The following TRMT11 variants were observed in gnomAD, a reference collection of about 807,000 sequenced individuals.
TRMT11 encodes the protein tRNA (guanine(10)-N(2))-methyltransferase TRMT11.
A neutral mutation model predicts 62.8 loss-of-function variants in TRMT11; 53 were observed. That is an observed-to-expected ratio of 0.84 (90% CI 0.68 to 1.06). The LOEUF (loss-of-function observed/expected upper bound fraction) is 1.06, where lower values mean the gene tolerates loss of function less well. TRMT11 is among the 50% of genes least tolerant of loss of function. TRMT11 has a pLI of 0.00. For synonymous variants in TRMT11, 188 were observed against 190.3 expected (o/e 0.99, Z 0.10); for missense variants, 556 against 553.4 (o/e 1.00, Z -0.05).
At chr6:126,017,742 G>A (rs1387478030) in intron 11 of TRMT11, among the ~76,000 whole-genome samples, 1 of 152,144 alleles carries the variant, frequency 6.6e-6, no homozygotes, top group Non-Finnish European at 1.5e-5. Flanking sequence ...TGTTTTTACT[G>A]CTTATAGAGA....
chr6:126,147,198 A>G (rs189868509), intron 21 of TRMT11, among the ~76,000 whole-genome samples: 1 of 152,344 alleles, frequency 6.6e-6, no homozygotes, highest in Admixed American at 6.5e-5. Flanking sequence ...GAGTAAGCAT[A>G]TAACAAAAGA....
intron 1 of TRMT11, 115 bp downstream of exon 1, chr6:125,986,737 G>A (rs1324005580): frequency 1.0e-6 from 1 of 994,746 alleles, no homozygotes; most frequent in South Asian, 1.6e-5. Flanking sequence ...GTCTTCGCTG[G>A]TCTGCGCGGG....
chr6:126,243,340 C>G, the TRMT11 span, among the ~76,000 whole-genome samples: 1 of 152,146 alleles, frequency 6.6e-6, no homozygotes, highest in Non-Finnish European at 1.5e-5. Context: ...GTTGGTGGGA[C>G]TGTAAACTAG....
At chr6:126,002,064 T>G (rs1792585309) in intron 7 of TRMT11, among the ~76,000 whole-genome samples, 1 of 152,160 alleles carries the variant, frequency 6.6e-6, no homozygotes, top group African/African-American at 2.4e-5. Context: ...ACTTCCTTAC[T>G]TTCTCTTCTA....
At chr6:126,158,001 C>T (rs1397997940) in intron 21 of TRMT11, among the ~76,000 whole-genome samples, 1 of 152,110 alleles carries the variant, frequency 6.6e-6, no homozygotes. Flanking sequence ...ATAAGCCCCT[C>T]TATATCCTCT....
downstream of TRMT11, among the ~76,000 whole-genome samples, chr6:126,044,216 T>C (rs1775978855): frequency 6.6e-6 from 1 of 152,216 alleles, no homozygotes; most frequent in African/African-American, 2.4e-5. Flanking sequence ...TAATCCATCT[T>C]GAATTAATTT....
the TRMT11 span, among the ~76,000 whole-genome samples, chr6:126,269,130 G>A: frequency 7.3e-5 from 11 of 149,786 alleles, no homozygotes; most frequent in African/African-American, 2.7e-4. Flanking sequence ...CGGGCGTAGT[G>A]GCGGGCGCCT....
the TRMT11 span, among the ~76,000 whole-genome samples, chr6:126,271,563 G>A: frequency 1.3e-5 from 2 of 151,652 alleles, no homozygotes; most frequent in African/African-American, 4.8e-5. Flanking sequence ...TATGTCAGGA[G>A]GAATCAGAGG....
the TRMT11 span, among the ~76,000 whole-genome samples, chr6:126,270,387 A>G: frequency 6.6e-6 from 1 of 152,230 alleles, no homozygotes; most frequent in Non-Finnish European, 1.5e-5. Flanking sequence ...AATTGGTTGT[A>G]ACAAAATGAC....
chr6:126,112,241 C>T (rs963067861), intron 17 of TRMT11, among the ~76,000 whole-genome samples: 7 of 152,120 alleles, frequency 4.6e-5, no homozygotes, highest in African/African-American at 2.4e-5. Context: ...CAGTGATTCA[C>T]GTCTCTGGAT....
At chr6:126,026,681 G>A (rs1027865354) in intron 12 of TRMT11, among the ~76,000 whole-genome samples, 9 of 152,040 alleles carry the variant, frequency 5.9e-5, no homozygotes, top group African/African-American at 1.9e-4. Context: ...CATCGCGCCC[G>A]GCTCTAAAAG....
chr6:126,163,193 G>A (rs917734438), intron 21 of TRMT11, among the ~76,000 whole-genome samples: 5 of 152,092 alleles, frequency 3.3e-5, no homozygotes, highest in African/African-American at 7.2e-5. Flanking sequence ...TTGGCTGTGG[G>A]TTTTTCATAA....
chr6:126,055,004 G>C (rs1028921828), intron 17 of TRMT11, among the ~76,000 whole-genome samples: 2 of 152,170 alleles, frequency 1.3e-5, no homozygotes, highest in Non-Finnish European at 2.9e-5. Context: ...TGGCTCTATA[G>C]CCCAGGTTGT....
At chr6:126,237,404 G>C in the TRMT11 span, among the ~76,000 whole-genome samples, 6 of 152,296 alleles carry the variant, frequency 3.9e-5, no homozygotes, top group African/African-American at 1.4e-4. Context: ...TCTTGGCCAG[G>C]CACGGTGGCT....
chr6:126,027,082 A>G (rs938803554), intron 12 of TRMT11, among the ~76,000 whole-genome samples: 6 of 152,184 alleles, frequency 3.9e-5, no homozygotes, highest in African/African-American at 1.2e-4. Context: ...CTGGGATTAC[A>G]GGCATGAGCC....
chr6:126,217,080 T>C, the TRMT11 span, among the ~76,000 whole-genome samples: 1 of 152,356 alleles, frequency 6.6e-6, no homozygotes, highest in South Asian at 2.1e-4. Context: ...GAATTGCTGC[T>C]TGATTCTTTT....
chr6:126,134,310 A>G (rs1350084221), intron 21 of TRMT11, among the ~76,000 whole-genome samples: 1 of 151,922 alleles, frequency 6.6e-6, no homozygotes, highest in East Asian at 1.9e-4. Flanking sequence ...GGGAAAAGAT[A>G]TTTCATGCAA....
chr6:126,168,679 C>T (rs1302014080), intron 21 of TRMT11, among the ~76,000 whole-genome samples: 5 of 152,108 alleles, frequency 3.3e-5, no homozygotes, highest in African/African-American at 1.2e-4. Flanking sequence ...CCACCTCGCC[C>T]AGCTAATTTT....
At chr6:126,170,541 CTCTG>C (rs1405292369) in intron 21 of TRMT11, among the ~76,000 whole-genome samples, 4 of 152,040 alleles carry the variant, frequency 2.6e-5, no homozygotes, top group African/African-American at 9.7e-5. Context: ...AAGCCACAGT[CTCTG>C]TCTGGGTCTC....
Sources: allele counts gnomAD v4.1 joint callset (sites outside exome capture counted in the v4.1 genomes callset), GRCh38; gene constraint gnomAD v4.1.1; transcripts MANE v1.5; gene names NCBI Gene and HGNC (gene_info 2026-07-23, HGNC 2026-07-21).